The following ADGRG6 variants were observed in gnomAD, a reference collection of about 807,000 sequenced individuals.
ADGRG6 encodes G-protein coupled receptor 126.
ADGRG6 carries 84 observed loss-of-function variants against 142.4 expected under a neutral mutation model. That is an observed-to-expected ratio of 0.59 (90% confidence interval 0.49 to 0.71). The LOEUF is 0.71. ADGRG6 is among the 30% of genes least tolerant of loss of function. ADGRG6 has a pLI of 0.00. For synonymous variants in ADGRG6, 521 were observed against 520.5 expected, an observed-to-expected ratio of 1.00 and a Z score of -0.01; for missense variants, 1,367 against 1,466.6, an observed-to-expected ratio of 0.93 and a Z score of 1.11.
chr6:142,405,609 G>A (rs975780955), intron 14 of ADGRG6, 79 bp from the exon 15 acceptor site: 26 of 1,163,756 alleles, frequency 2.2e-5, no homozygotes, highest in Non-Finnish European at 2.9e-5. Flanking sequence ...TTGTTCACTC[G>A]CCTAACTATA....
intron 2 of ADGRG6, among the ~76,000 whole-genome samples, chr6:142,313,484 G>T (rs999920330): frequency 6.6e-6 from 1 of 152,128 alleles, no homozygotes; most frequent in African/African-American, 2.4e-5. Flanking sequence ...AGTGCAGGAG[G>T]AGCCTCCCTT....
At chr6:142,438,566 A>G (rs1050387284) in intron 24 of ADGRG6, among the ~76,000 whole-genome samples, 7 of 152,220 alleles carry the variant, frequency 4.6e-5, no homozygotes, top group Non-Finnish European at 1.0e-4. Context: ...AACTCTAGCT[A>G]TATAACCATA....
chr6:142,309,592 C>G lies in ADGRG6; in HGVS notation c.51C>G (p.Pro17=). Residue 17 remains proline, a synonymous_variant, in exon 2 of 25, where the codon CCC becomes CCG. Coordinates refer to ENST00000367609, the MANE Select transcript of ADGRG6 (RefSeq NM_198569.3). ...GGAGCTGCCATTGGAAATGGAAGCCCAGTCCTCTCCTGTTCTTATTTGCTT... is the reference window on the plus strand; with the variant it reads ...GGAGCTGCCATTGGAAATGGAAGCCGAGTCCTCTCCTGTTCTTATTTGCTT... ...RMWSCHWKWK[P]SPLLFLFALY... 1.2e-6 allele frequency: 2 copies of G among 1,609,338 alleles called. No individual in the cohort carries two copies. The highest frequency in any genetic ancestry group is 1.7e-6 in the Non-Finnish European group (2 of 1,177,422).
rs146303755 is a variant in ADGRG6 at position 142,363,394 on chromosome 6, A to G, written c.104-4175A>G. Among the ~76,000 whole-genome samples the G allele has an allele frequency of 4.4e-3, 676 of 152,308 alleles. 6 individuals are homozygous for G. Among genetic ancestry groups the G allele is most frequent in the African/African-American group, 0.016 (646 of 41,586 alleles). ...ATCTATATCAAAATGTTATTTATCA[A>G]TTGAATTAGGCTTTGGCGTGACTGG... On this transcript the variant is annotated intron_variant, in intron 2 of 24. Transcript: ENST00000367609.
At chr6:142,394,037 A>G in intron 9 of ADGRG6, 79 bp downstream of exon 9, 3 of 925,974 alleles carry the variant, frequency 3.2e-6, no homozygotes, top group South Asian at 1.5e-5. Context: ...AATGAAAACA[A>G]TTAGATAGGA....
chr6:142,373,244 T>C (rs138132192), intron 4 of ADGRG6, among the ~76,000 whole-genome samples: 1 of 152,278 alleles, frequency 6.6e-6, no homozygotes, highest in African/African-American at 2.4e-5. Context: ...TAAACAGGAT[T>C]AGATATTAGA....
intron 2 of ADGRG6, 132 bp downstream of exon 2, chr6:142,309,776 G>A: frequency 1.9e-6 from 1 of 520,292 alleles, no homozygotes; most frequent in Non-Finnish European, 3.3e-6. Flanking sequence ...TATCCTTATA[G>A]GGCAGTTTTT....
At chr6:142,409,143 C>G (rs1775959856) in intron 16 of ADGRG6, among the ~76,000 whole-genome samples, 5 of 152,142 alleles carry the variant, frequency 3.3e-5, no homozygotes. Context: ...AGTTGAAACT[C>G]TCCTCCCATT....
At position 142,445,514 on chromosome 6, in the gene ADGRG6, C is replaced by T. The variant is rs1777937081; in HGVS notation, c.*1999C>T. The T allele has an allele frequency of 9.9e-5, 15 of 152,138 alleles. No homozygotes were observed. Among genetic ancestry groups the T allele is most frequent in the Admixed American group, 9.8e-4 (15 of 15,272 alleles). The allele number at this position is 152,138 out of a possible 1,614,324, so 9.4% of individuals were successfully genotyped here. On this transcript the variant is annotated 3_prime_UTR_variant, in exon 25 of 25. Coordinates refer to ENST00000367609, the MANE Select transcript of ADGRG6 (RefSeq NM_198569.3). ...TTAGTCAATAGTAATTAAGATATAG[C>T]TTCAAAAATGGCTTTGCTTTTGATT...
At chr6:142,315,008 T>C (rs1011855711) in intron 2 of ADGRG6, among the ~76,000 whole-genome samples, 1 of 127,038 alleles carries the variant, frequency 7.9e-6, no homozygotes, top group African/African-American at 3.6e-5. Flanking sequence ...GTGTGTGTTA[T>C]ACAGTCTATT....
chr6:142,394,003 G>C (rs768163420), intron 9 of ADGRG6, 45 bp downstream of exon 9: 40 of 1,163,688 alleles, frequency 3.4e-5, no homozygotes, highest in Non-Finnish European at 4.9e-5. Flanking sequence ...TCTTTCTCTT[G>C]CTCACTACTT....
chr6:142,409,882 T>A lies in ADGRG6; in HGVS notation c.2397T>A (p.His799Gln). 1.4e-6 allele frequency: 2 copies of A among 1,471,246 alleles called. No homozygotes were observed. Among genetic ancestry groups the A allele is most frequent in the African/African-American group, 1.4e-5 (1 of 72,022 alleles). The allele number at this position is 1,471,246 out of a possible 1,614,324, so 91.1% of individuals were successfully genotyped here. A position where few individuals can be genotyped will look rare whatever the true frequency, so the allele number is the denominator to read the frequency against. ...KIKHTRTQEV[H>Q]HPICAFWDLN... is the part of the protein sequence containing the mutation. ...TTCTTATGTTAATATAGGAAGTGCA[T>A]CATCCCATCTGTGCCTTCTGGGATC... The change falls in exon 17 of 25, where the codon CAT becomes CAA. Residue 799 changes from histidine (H) to glutamine (Q), a missense_variant. Coordinates refer to ENST00000367609, the MANE Select transcript of ADGRG6 (RefSeq NM_198569.3).
rs1013970731 is a variant in ADGRG6 at position 142,377,503 on chromosome 6, G to A, written c.1070-4448G>A. ...ATCTGATGTAAACACTTGTGGGGCG[G>A]GTGGGAGATTCTCCGGGCGCCCCTT... On this transcript the variant is annotated intron_variant, in intron 4 of 24. Transcript: ENST00000367609. Among the ~76,000 whole-genome samples the A allele has an allele frequency of 3.3e-5, 5 of 152,310 alleles. No individual in the cohort carries two copies. In the East Asian group the frequency reaches 5.8e-4, roughly 18 times the overall value.
intron 18 of ADGRG6, among the ~76,000 whole-genome samples, chr6:142,413,429 G>T (rs778004272): frequency 2.0e-4 from 31 of 151,940 alleles, no homozygotes; most frequent in Non-Finnish European, 3.7e-4. Context: ...TTTCATATTG[G>T]CTATATCATA....
chr6:142,403,837 T>G lies in ADGRG6; in HGVS notation c.1991T>G (p.Ile664Arg). Residue 664 changes from isoleucine (I) to arginine (R), a missense_variant, in exon 14 of 25, where the codon ATA becomes AGA. Ile to Arg is a moderately conservative substitution (Grantham distance 97). Around this residue, in one of 3 missense-constraint regions of ADGRG6, gnomAD observed 286 missense variants for 371.4 expected, o/e 0.77. Transcript: ENST00000367609. The part of the protein sequence containing the change: ...LKTIDELAFK[I>R]DLNSTSHVNI... ...ACAATTGATGAATTGGCCTTCAAGA[T>G]AGACCTAAATAGCACATCACATGTG... is the stretch of plus-strand genomic sequence containing the variant. The G allele has an allele frequency of 6.2e-7, 1 of 1,600,058 alleles. No homozygotes were observed. Among genetic ancestry groups the G allele is most frequent in the South Asian group, 1.1e-5 (1 of 87,514 alleles).
At chr6:142,374,118 A>G (rs1242223603) in intron 4 of ADGRG6, among the ~76,000 whole-genome samples, 3 of 152,176 alleles carry the variant, frequency 2.0e-5, no homozygotes, top group Non-Finnish European at 4.4e-5. Context: ...TCAATACAGT[A>G]TAGCCTGCCA....
intron 4 of ADGRG6, among the ~76,000 whole-genome samples, chr6:142,373,801 C>T (rs1781364820): frequency 6.6e-6 from 1 of 152,044 alleles, no homozygotes; most frequent in African/African-American, 2.4e-5. Flanking sequence ...TCCTCAGCCT[C>T]CCAAAGTGGT....
At chr6:142,375,817 A>G (rs189331880) in intron 4 of ADGRG6, among the ~76,000 whole-genome samples, 48 of 152,336 alleles carry the variant, frequency 3.2e-4, no homozygotes, top group Non-Finnish European at 6.3e-4. Context: ...GTAACATAGT[A>G]GAATTGAACT....
At chr6:142,313,474 A>G (rs1460310703) in intron 2 of ADGRG6, among the ~76,000 whole-genome samples, 1 of 152,168 alleles carries the variant, frequency 6.6e-6, no homozygotes. Flanking sequence ...AGTCATGAGC[A>G]GTGCAGGAGG....
Sources: allele counts gnomAD v4.1 joint callset (sites outside exome capture counted in the v4.1 genomes callset), GRCh38; gene constraint gnomAD v4.1.1; regional missense constraint gnomAD v4.1.1; transcripts MANE v1.5; gene names NCBI Gene and HGNC (gene_info 2026-07-23, HGNC 2026-07-21).